Variants in KCND1 observed in about 807,000 individuals in gnomAD.
The protein encoded by KCND1 is potassium voltage-gated channel subfamily D member 1, also known as A-type voltage-gated potassium channel KCND1.
In KCND1, 11 loss-of-function variants were observed where a neutral mutation model predicts 31.8. That is an observed-to-expected ratio of 0.35 (90% CI 0.22 to 0.57). The LOEUF (loss-of-function observed/expected upper bound fraction) is 0.57. Among genes scored for constraint, KCND1 ranks in the 20% least tolerant of loss-of-function variants. The probability of loss-of-function intolerance (pLI) is 0.85; values close to 1 mark genes in which losing one functional copy is unlikely to be tolerated. For missense variants in KCND1, 471 were observed against 596.8 expected (o/e 0.79, Z 2.20); for synonymous variants, 234 against 248.1 (o/e 0.94, Z 0.53).
At position 48,970,623 on chromosome X, in the gene KCND1, T is replaced by G; in HGVS notation, c.-352A>C. 2 of 172,453 alleles carry G rather than the reference T, an allele frequency of 1.2e-5. No homozygotes were observed. Among genetic ancestry groups the G allele is most frequent in the South Asian group, 2.5e-4 (1 of 4,066 alleles). The allele number at this position is 172,453 out of a possible 1,213,427, so 14.2% of individuals were successfully genotyped here. ...AAGGAGTCAGCCTGTGCCTGAGAGG[T>G]GTCTGGGGGCGTCTAGAGGGGCCAA... On this transcript the variant is annotated 5_prime_UTR_variant, in exon 1 of 6. Coordinates refer to ENST00000218176, the MANE Select transcript of KCND1 (RefSeq NM_004979.6).
Position 48,970,080 on chromosome X carries a change from G to A in KCND1, c.192C>T (p.Thr64=). 1 of 1,209,937 alleles carries A rather than the reference G, an allele frequency of 8.3e-7. No homozygotes were observed. The highest frequency in any genetic ancestry group is 1.1e-6 in the Non-Finnish European group (1 of 894,172). The part of the protein sequence containing the change: ...WKNTLDRYPD[T]LLGSSEKEFF... ...ATTCCTTCTCCGAGCTGCCCAGCAA[G>A]GTGTCTGGGTAGCGGTCCAGCGTAT... The change falls in exon 1 of 6, where the codon ACC becomes ACT. Residue 64 remains threonine (T), a synonymous_variant. Coordinates refer to ENST00000218176, the MANE Select transcript of KCND1 (RefSeq NM_004979.6).
intron 5 of KCND1, among the ~76,000 whole-genome samples, chrX:48,964,060 G>T (rs2064337510): frequency 8.9e-6 from 1 of 112,371 alleles, no homozygotes; most frequent in African/African-American, 3.2e-5. Flanking sequence ...TGTCACCTCA[G>T]TAAAGCCTTC....
chrX:48,966,865 A>C (rs1324401748), intron 2 of KCND1, 21 bp from the exon 3 acceptor site: 1 of 1,202,123 alleles, frequency 8.3e-7, no homozygotes, highest in Non-Finnish European at 1.1e-6. Context: ...AGGAGATAAA[A>C]GGTCAGGTGG....
intron 1 of KCND1, 34 bp downstream of exon 1, chrX:48,969,117 A>G: frequency 1.7e-6 from 2 of 1,173,468 alleles, no homozygotes; most frequent in Non-Finnish European, 2.3e-6. Flanking sequence ...GGTGAGTGTA[A>G]TCGGGCAGCC....
In KCND1 at chrX:48,966,837, C is replaced by T. The variant is rs1557058104; in HGVS notation, c.1292G>A (p.Arg431His). Residue 431 changes from arginine (R) to histidine (H), a missense_variant, in exon 3 of 6, where the codon CGC becomes CAC. By Grantham distance (29) the Arg-to-His change is conservative. Transcript: ENST00000218176. ...ADKRRAQQKV[R>H]LARIRLAKSG... ...CTTTGCCAATCGGATCCTTGCCAAG[C>T]GCACCTTCTGCAGAGAGAGGAGATA... 9.1e-6 allele frequency: 11 copies of T among 1,204,906 alleles called. No individual in the cohort carries two copies. Among genetic ancestry groups the T allele is most frequent in the South Asian group, 1.8e-5 (1 of 56,411 alleles).
At position 48,962,042 on chromosome X, in the gene KCND1, C is replaced by T. The variant is rs1439027106; in HGVS notation, c.*539G>A. On this transcript the variant is annotated 3_prime_UTR_variant, in exon 6 of 6. Coordinates refer to ENST00000218176, the MANE Select transcript of KCND1 (RefSeq NM_004979.6). ...GGGGATGGCAGGTCGCTGCAGAGGC[C>T]ACAGCCCATGAAGCCTGTGTTTGCA... 4 of 114,076 alleles carry T rather than the reference C, an allele frequency of 3.5e-5. No individual in the cohort carries two copies. The highest frequency in any genetic ancestry group is 9.6e-5 in the African/African-American group (3 of 31,095). The allele number at this position is 114,076 out of a possible 1,213,427, so 9.4% of individuals were successfully genotyped here. A position where few individuals can be genotyped will look rare whatever the true frequency, so the allele number is the denominator to read the frequency against.
chrX:48,969,872 C>T lies in KCND1; in HGVS notation c.400G>A (p.Glu134Lys). 1 of 1,211,605 alleles carries T rather than the reference C, an allele frequency of 8.3e-7. No individual in the cohort carries two copies. Among genetic ancestry groups the T allele is most frequent in the Non-Finnish European group, 1.1e-6 (1 of 895,384 alleles). The change falls in exon 1 of 6, where the codon GAA becomes AAA. Residue 134 changes from glutamate to lysine, a missense_variant. Around this residue, in one of 3 missense-constraint regions of KCND1, gnomAD observed 212 missense variants for 257.9 expected, o/e 0.82. Transcript: ENST00000218176. Reference protein sequence around the residue: ...VPELVGDCCLEEYRDRKKENA... With the variant: ...VPELVGDCCLKEYRDRKKENA... ...TCCTTCTTTCGGTCCCGATACTCTT[C>T]AAGGCAGCAGTCACCGACTAGCTCG...
chrX:48,965,873 C>CAA (rs782299779), intron 5 of KCND1, among the ~76,000 whole-genome samples, 182 bp downstream of exon 5: 2 of 54,255 alleles, frequency 3.7e-5, no homozygotes, highest in African/African-American at 7.0e-5. Flanking sequence ...GACTCCGTCT[C>CAA]AAAAAAAAAA....
intron 1 of KCND1, 21 bp from the exon 2 acceptor site, chrX:48,967,127 C>T (rs1350488298): frequency 8.3e-7 from 1 of 1,201,211 alleles, no homozygotes; most frequent in East Asian, 3.0e-5. Flanking sequence ...GGGAGGTAGG[C>T]CAAGGTCAGG....
In KCND1 at chrX:48,967,113, CGAGGG is replaced by C. The variant is rs1279811529; in HGVS notation, c.1122-12_1122-8del. ...GGGCACCATGTCTCCGTAGCTGGAGCGAGGGGAGGTAGGCCAAGGTCAGGAAAAGT... is the reference window on the plus strand; with the variant it reads ...GGGCACCATGTCTCCGTAGCTGGAGCGAGGTAGGCCAAGGTCAGGAAAAGT... On this transcript the variant is annotated splice_region_variant and splice_polypyrimidine_tract_variant and intron_variant, in intron 1 of 5. Transcript: ENST00000218176. 1 of 1,204,850 alleles carries C rather than the reference CGAGGG, an allele frequency of 8.3e-7. No individual in the cohort carries two copies. The highest frequency in any genetic ancestry group is 1.8e-5 in the African/African-American group (1 of 56,444).
intron 1 of KCND1, among the ~76,000 whole-genome samples, chrX:48,968,726 C>A (rs2064366772): frequency 2.7e-5 from 3 of 111,977 alleles, no homozygotes; most frequent in African/African-American, 9.7e-5. Flanking sequence ...AGTCCAGCTC[C>A]CTCAGTTTGT....
chrX:48,967,721 C>T (rs1557058260), intron 1 of KCND1: 1 of 111,926 alleles, frequency 8.9e-6, no homozygotes, highest in African/African-American at 3.3e-5. Flanking sequence ...ACACTGCATA[C>T]TCTTGTTCTG....
chrX:48,968,615 G>A (rs1313377259), intron 1 of KCND1, among the ~76,000 whole-genome samples: 9 of 111,908 alleles, frequency 8.0e-5, no homozygotes, highest in East Asian at 5.6e-4. Context: ...ATGAGAAAAC[G>A]ACATCAACAG....
At chrX:48,966,027 G>A (rs1557057896) in intron 5 of KCND1, 28 bp downstream of exon 5, 5 of 1,199,063 alleles carry the variant, frequency 4.2e-6, no homozygotes, top group Non-Finnish European at 5.6e-6. Flanking sequence ...TTCCCCAGGT[G>A]TGGCTAGCAG....
rs2064350732 is a variant in KCND1, at chrX:48,966,091, A to G, written c.1682T>C (p.Met561Thr). Residue 561 changes from methionine (M) to threonine (T), a missense_variant, in exon 5 of 6, where the codon ATG becomes ACG. By Grantham distance (81) the Met-to-Thr change is moderately conservative. Around this residue, in one of 3 missense-constraint regions of KCND1, gnomAD observed 185 missense variants for 184.7 expected, o/e 1.00. Transcript: ENST00000218176. ...VSRGSMQELD[M>T]LAGLRRSHAP... is the part of the protein sequence containing the mutation. ...ATGGCTCCTGCGCAGCCCTGCCAGC[A>G]TGTCCAGCTCCTGCATGCTGCCACG... 3 of 1,209,491 alleles carry G rather than the reference A, an allele frequency of 2.5e-6. No individual in the cohort carries two copies. Among genetic ancestry groups the G allele is most frequent in the South Asian group, 1.8e-5 (1 of 56,840 alleles).
rs1304585496 is a variant in KCND1, at chrX:48,961,657, A to G, written c.*924T>C. The G allele has an allele frequency of 4.5e-5, 5 of 112,103 alleles. No individual in the cohort carries two copies. The highest frequency in any genetic ancestry group is 1.6e-4 in the African/African-American group (5 of 30,810). The allele number at this position is 112,103 out of a possible 1,213,427, so 9.2% of individuals were successfully genotyped here. A position where few individuals can be genotyped will look rare whatever the true frequency, so the allele number is the denominator to read the frequency against. On this transcript the variant is annotated 3_prime_UTR_variant, in exon 6 of 6. Transcript: ENST00000218176. ...CCTGATGCTTCTGGACTGTTGCCCA[A>G]GAACATGGAATCAGCCCATGATCTC... is the stretch of plus-strand genomic sequence containing the variant.
At chrX:48,965,923 G>C in intron 5 of KCND1, 132 bp downstream of exon 5, 1 of 666,910 alleles carries the variant, frequency 1.5e-6, no homozygotes, top group South Asian at 3.0e-5. Flanking sequence ...GACAAGATAA[G>C]CCCAAGCTTC....
intron 5 of KCND1, 67 bp downstream of exon 5, chrX:48,965,988 T>A: frequency 8.8e-7 from 1 of 1,135,612 alleles, no homozygotes; most frequent in Non-Finnish European, 1.2e-6. Flanking sequence ...AGTTATGAAA[T>A]CTCAGAGCTA....
At chrX:48,968,815 C>T (rs1358243568) in intron 1 of KCND1, among the ~76,000 whole-genome samples, 3 of 111,059 alleles carry the variant, frequency 2.7e-5, no homozygotes, top group Non-Finnish European at 5.7e-5. Context: ...GCACTTTGGG[C>T]GGCCAAGGCG....
Sources: allele counts gnomAD v4.1 joint callset (sites outside exome capture counted in the v4.1 genomes callset), GRCh38; gene constraint gnomAD v4.1.1; regional missense constraint gnomAD v4.1.1; transcripts MANE v1.5; gene names NCBI Gene and HGNC (gene_info 2026-07-23, HGNC 2026-07-21).